The following DCAF10 variants were observed in gnomAD, a reference collection of about 807,000 sequenced individuals.
The protein encoded by DCAF10 is DDB1- and CUL4-associated factor 10.
DCAF10 carries 19 observed loss-of-function variants against 51.9 expected under a neutral mutation model. The ratio of observed to expected loss-of-function variants is 0.37; its 90% CI spans 0.26 to 0.54. DCAF10 has a LOEUF of 0.54. Among genes scored for constraint, DCAF10 ranks in the 20% least tolerant of loss-of-function variants. DCAF10 has a pLI of 0.87. For missense variants in DCAF10, 510 were observed against 730.6 expected (o/e 0.70, Z 3.48); for synonymous variants, 291 against 297.1 (o/e 0.98, Z 0.21).
chr9:37,860,136 G>A lies in DCAF10; in HGVS notation c.1254G>A (p.Leu418=). The A allele has an allele frequency of 1.9e-6, 3 of 1,614,092 alleles. No homozygotes were observed. The highest frequency in any genetic ancestry group is 2.5e-6 in the Non-Finnish European group (3 of 1,179,992). The change falls in exon 6 of 7, where the codon CTG becomes CTA. Residue 418 remains leucine (L), a synonymous_variant. Transcript: ENST00000377724. ...DHGNCITSLQ[L]HPKGWATLLR... ...GAAACTGCATCACGTCCTTACAGCT[G>A]CACCCAAAAGGCTGGGCCACTCTTC...
chr9:37,850,236 T>A (rs1315434169), intron 3 of DCAF10, among the ~76,000 whole-genome samples: 1 of 152,118 alleles, frequency 6.6e-6, no homozygotes, highest in Admixed American at 6.6e-5. Context: ...CTCAAAAACT[T>A]AAAAATAGAA....
chr9:37,866,802 G>A lies in DCAF10; in HGVS notation c.*5294G>A, dbSNP rs2061190955. ...AAACTAAGGATGCTGCTAGACTAAG[G>A]AATAAACAGCAAGGTACCAAAGTAC... On this transcript the variant is annotated 3_prime_UTR_variant, in exon 7 of 7. Transcript: ENST00000377724. 6.6e-6 allele frequency: 1 copy of A among 152,506 alleles called. No individual in the cohort carries two copies. Among genetic ancestry groups the A allele is most frequent in the African/African-American group, 2.4e-5 (1 of 41,392 alleles). The allele number at this position is 152,506 out of a possible 1,614,324, so 9.4% of individuals were successfully genotyped here.
intron 3 of DCAF10, 90 bp from the exon 4 acceptor site, chr9:37,854,690 A>G (rs1564051581): frequency 7.9e-7 from 1 of 1,259,590 alleles, no homozygotes; most frequent in East Asian, 2.3e-5. Flanking sequence ...TCCTCCCTAC[A>G]TTTTATTTTG....
At chr9:37,855,951 GAC>G (rs754115392) in intron 4 of DCAF10, among the ~76,000 whole-genome samples, 12 of 152,164 alleles carry the variant, frequency 7.9e-5, no homozygotes, top group Non-Finnish European at 1.5e-4. Flanking sequence ...AGGAGTTTGT[GAC>G]CAGCCTGGGC....
At chr9:37,831,621 T>C (rs1041717004) in intron 2 of DCAF10, among the ~76,000 whole-genome samples, 2 of 152,176 alleles carry the variant, frequency 1.3e-5, no homozygotes, top group Non-Finnish European at 2.9e-5. Context: ...AGTTTGCTTA[T>C]TATCTTGTAA....
Position 37,864,583 on chromosome 9 carries a change from C to CAAAAAAAAAAA in DCAF10, c.*3082_*3092dup, listed in dbSNP as rs778815619. The CAAAAAAAAAAA allele has an allele frequency of 1.7e-5, 2 of 121,080 alleles. No homozygotes were observed. The highest frequency in any genetic ancestry group is 3.0e-5 in the African/African-American group (1 of 33,640). The allele number at this position is 121,080 out of a possible 1,614,324, so 7.5% of individuals were successfully genotyped here. On this transcript the variant is annotated 3_prime_UTR_variant, in exon 7 of 7. Coordinates refer to ENST00000377724, the MANE Select transcript of DCAF10 (RefSeq NM_024345.5). Reference sequence around the variant, plus strand: ...TGACCAGCAGAGCGAGACTCTGCCTCAAAAAAAAAAAAAAAAATAAAATAA... The same window carrying CAAAAAAAAAAA: ...TGACCAGCAGAGCGAGACTCTGCCTCAAAAAAAAAAAAAAAAAAAAAAAAAAAATAAAATAA...
intron 2 of DCAF10, among the ~76,000 whole-genome samples, chr9:37,822,204 G>GTGGA (rs964628247): frequency 1.3e-4 from 20 of 152,090 alleles, no homozygotes; most frequent in Non-Finnish European, 2.5e-4. Context: ...GGAAAACAGT[G>GTGGA]TGGAGATTCC....
intron 1 of DCAF10, among the ~76,000 whole-genome samples, chr9:37,810,024 C>T (rs1383394751): frequency 7.3e-5 from 11 of 151,684 alleles, no homozygotes; most frequent in South Asian, 6.2e-4. Context: ...TGGTGGCAAA[C>T]GCCTGTAATC....
chr9:37,836,184 G>T, intron 2 of DCAF10: 1 of 1,455,388 alleles, frequency 6.9e-7, no homozygotes, highest in African/African-American at 1.4e-5. Context: ...TAAGAAGCAC[G>T]GAGTTCAGTA....
At chr9:37,823,540 T>C (rs73449316) in intron 2 of DCAF10, among the ~76,000 whole-genome samples, 1,927 of 152,186 alleles carry the variant, frequency 0.013, 40 homozygotes, top group African/African-American at 0.044. Context: ...GACTAAAGAA[T>C]TGTAATTAGG....
At chr9:37,802,959 A>G (rs532789143) in intron 1 of DCAF10, among the ~76,000 whole-genome samples, 9 of 152,280 alleles carry the variant, frequency 5.9e-5, no homozygotes, top group East Asian at 1.9e-4. Flanking sequence ...AGGAATTCAG[A>G]AGCAGCTATT....
At chr9:37,835,950 G>T in intron 2 of DCAF10, 1 of 995,172 alleles carries the variant, frequency 1.0e-6, no homozygotes, top group Non-Finnish European at 1.6e-6. Flanking sequence ...CACCATTTTT[G>T]GCTATATTGC....
At chr9:37,834,645 T>C (rs1830099020) in intron 2 of DCAF10, among the ~76,000 whole-genome samples, 1 of 152,228 alleles carries the variant, frequency 6.6e-6, no homozygotes, top group South Asian at 2.1e-4. Flanking sequence ...CATCTGTGCA[T>C]TAAGTATTTT....
Position 37,860,124 on chromosome 9 carries a change from G to T in DCAF10, c.1242G>T (p.Thr414=). ...AGAGTGACCACGGAAACTGCATCAC[G>T]TCCTTACAGCTGCACCCAAAAGGCT... The part of the protein sequence containing the change: ...LGESDHGNCI[T]SLQLHPKGWA... Residue 414 remains threonine (T), a synonymous_variant, in exon 6 of 7, where the codon ACG becomes ACT. Transcript: ENST00000377724. The T allele has an allele frequency of 6.2e-7, 1 of 1,614,050 alleles. No individual in the cohort carries two copies. Among genetic ancestry groups the T allele is most frequent in the Non-Finnish European group, 8.5e-7 (1 of 1,180,014 alleles).
intron 1 of DCAF10, among the ~76,000 whole-genome samples, chr9:37,805,927 G>A (rs1478020360): frequency 2.0e-5 from 3 of 151,898 alleles, no homozygotes; most frequent in African/African-American, 7.3e-5. Context: ...TCTACAAAAA[G>A]TACAAAAATT....
chr9:37,864,413 C>T lies in DCAF10; in HGVS notation c.*2905C>T, dbSNP rs913270602. On this transcript the variant is annotated 3_prime_UTR_variant, in exon 7 of 7. Transcript: ENST00000377724. Reference sequence around the variant, plus strand: ...CCTAGCCAACATGGTGAAACCCTGTCTCTACCAAAAATACAAAAATCATAG... The same window carrying T: ...CCTAGCCAACATGGTGAAACCCTGTTTCTACCAAAAATACAAAAATCATAG... 1.3e-5 allele frequency: 2 copies of T among 151,776 alleles called. No individual in the cohort carries two copies. Among genetic ancestry groups the T allele is most frequent in the Non-Finnish European group, 2.9e-5 (2 of 68,014 alleles). The allele number at this position is 151,776 out of a possible 1,614,324, so 9.4% of individuals were successfully genotyped here. A position where few individuals can be genotyped will look rare whatever the true frequency, so the allele number is the denominator to read the frequency against.
At chr9:37,814,139 G>C (rs970676894) in intron 1 of DCAF10, among the ~76,000 whole-genome samples, 2 of 86,344 alleles carry the variant, frequency 2.3e-5, no homozygotes, top group Non-Finnish European at 4.6e-5. Flanking sequence ...TGTTGTTGTT[G>C]TTGTTGTTGT....
At chr9:37,850,863 T>C (rs1327598094) in intron 3 of DCAF10, among the ~76,000 whole-genome samples, 1 of 95,480 alleles carries the variant, frequency 1.0e-5, no homozygotes, top group Non-Finnish European at 2.1e-5. Context: ...TATATATATA[T>C]ATATATATAT....
In DCAF10 at chr9:37,854,959, CAAG is replaced by C. The variant is rs1464698229; in HGVS notation, c.1037_1039del (p.Arg346del). 6.2e-7 allele frequency: 1 copy of C among 1,610,490 alleles called. No homozygotes were observed. On this transcript the variant is annotated inframe_deletion, in exon 4 of 7. Coordinates refer to ENST00000377724, the MANE Select transcript of DCAF10 (RefSeq NM_024345.5). ...GTAGGCAGCTATCCCATTTTAAGAG[CAAG>C]AAGAACTACTTCAAGTTCAGGTAAG...
Sources: allele counts gnomAD v4.1 joint callset (sites outside exome capture counted in the v4.1 genomes callset), GRCh38; gene constraint gnomAD v4.1.1; transcripts MANE v1.5; gene names NCBI Gene and HGNC (gene_info 2026-07-23, HGNC 2026-07-21).